WDR47: variants seen among roughly 807,000 people sequenced by gnomAD.
WDR47 encodes the protein WD repeat-containing protein 47.
Under a neutral mutation model 97.2 loss-of-function variants are expected in WDR47, and 32 were observed. That is an observed-to-expected ratio of 0.33 (90% CI 0.25 to 0.44). WDR47 has a LOEUF of 0.44. Among genes scored for constraint, WDR47 ranks in the 20% least tolerant of loss-of-function variants. WDR47 has a pLI of 1.00. For missense variants in WDR47, 782 were observed against 1,102.3 expected, an observed-to-expected ratio of 0.71 and a Z score of 4.11; for synonymous variants, 375 against 373.5, an observed-to-expected ratio of 1.00 and a Z score of -0.05.
chr1:109,004,412 G>A (rs905008500), intron 6 of WDR47, among the ~76,000 whole-genome samples, 180 bp downstream of exon 6: 1 of 152,074 alleles, frequency 6.6e-6, no homozygotes, highest in African/African-American at 2.4e-5. Flanking sequence ...ATACCCAATG[G>A]CAACTAAATA....
chr1:108,986,094 C>T (rs972929117), intron 10 of WDR47, among the ~76,000 whole-genome samples: 15 of 151,604 alleles, frequency 9.9e-5, no homozygotes, highest in African/African-American at 3.4e-4. Flanking sequence ...AAATTACATA[C>T]ATAATTTATA....
chr1:109,004,900 C>G (rs1043947150), intron 5 of WDR47, among the ~76,000 whole-genome samples, 185 bp from the exon 6 acceptor site: 15 of 152,250 alleles, frequency 9.9e-5, no homozygotes, highest in African/African-American at 3.1e-4. Context: ...AAGCAATTCT[C>G]CTGCCTCAGC....
At chr1:109,001,073 A>C (rs112903856) in intron 7 of WDR47, among the ~76,000 whole-genome samples, 5,663 of 152,158 alleles carry the variant, frequency 0.037, 363 homozygotes, top group African/African-American at 0.13. Context: ...GGATCACTTG[A>C]GCCCAGGAGT....
At chr1:108,977,671 G>A (rs2101795679) in intron 13 of WDR47, among the ~76,000 whole-genome samples, 1 of 152,272 alleles carries the variant, frequency 6.6e-6, no homozygotes, top group East Asian at 1.9e-4. Flanking sequence ...GGCTAATAAG[G>A]TGAAACCTCG....
intron 2 of WDR47, among the ~76,000 whole-genome samples, chr1:109,019,794 T>G (rs1366235100): frequency 6.6e-6 from 1 of 152,218 alleles, no homozygotes; most frequent in East Asian, 1.9e-4. Context: ...TTAAATGGTC[T>G]ATGGGAATAT....
intron 6 of WDR47, 144 bp from the exon 7 acceptor site, chr1:109,002,546 A>G (rs1660297159): frequency 9.8e-6 from 7 of 715,020 alleles, no homozygotes; most frequent in Non-Finnish European, 1.5e-5. Flanking sequence ...GCTCTTTGAA[A>G]AACAGTATGT....
chr1:108,977,145 G>A lies in WDR47; in HGVS notation c.2399-2391C>T, dbSNP rs112724590. ...GTGGTAGCAATAAACAGGAAAATAG[G>A]TAACTGGGTTTTTTTCTTTTTTTTG... On this transcript the variant is annotated intron_variant, in intron 13 of 14. Coordinates refer to ENST00000369962, the MANE Select transcript of WDR47 (RefSeq NM_001142551.2). Among the ~76,000 whole-genome samples, 917 of 152,064 alleles carry A rather than the reference G, an allele frequency of 6.0e-3. 5 individuals carry two copies. Among genetic ancestry groups the A allele is most frequent in the Non-Finnish European group, 8.7e-3 (594 of 67,968 alleles).
chr1:109,017,532 T>A lies in WDR47; in HGVS notation c.228A>T (p.Lys76Asn). 6.2e-7 allele frequency: 1 copy of A among 1,612,560 alleles called. No individual in the cohort carries two copies. Among genetic ancestry groups the A allele is most frequent in the Non-Finnish European group, 8.5e-7 (1 of 1,179,522 alleles). ...QFIQPLECME[K>N]FDKKRFRYII... ...TAAAATCTTACCTTTTTTTGTCAAA[T>A]TTTTCCATACATTCTAGAGGCTGAA... The change falls in exon 3 of 15, where the codon AAA (lysine) becomes AAT (asparagine). Residue 76 changes from lysine to asparagine, a missense_variant. By Grantham distance (94) the Lys-to-Asn change is moderately conservative. This residue lies in a region of WDR47 where 428 missense variants were observed against 584.3 expected (regional missense o/e 0.73). Coordinates refer to ENST00000369962, the MANE Select transcript of WDR47 (RefSeq NM_001142551.2).
intron 1 of WDR47, among the ~76,000 whole-genome samples, chr1:109,025,366 G>A (rs1662135124): frequency 2.0e-5 from 3 of 150,128 alleles, no homozygotes; most frequent in African/African-American, 7.4e-5. Context: ...CAGAAGTTGA[G>A]GCTACAGTGA....
chr1:109,018,029 G>A (rs772348344), intron 2 of WDR47, among the ~76,000 whole-genome samples: 2 of 151,840 alleles, frequency 1.3e-5, no homozygotes, highest in East Asian at 1.9e-4. Flanking sequence ...GATTACAAGC[G>A]TGAGTCACCT....
At chr1:108,988,013 A>T (rs984888760) in intron 9 of WDR47, among the ~76,000 whole-genome samples, 1 of 151,388 alleles carries the variant, frequency 6.6e-6, no homozygotes, top group African/African-American at 2.4e-5. Flanking sequence ...AGTTGGGCAT[A>T]TTGCTTGAGC....
chr1:109,034,499 A>G (rs1299534907), intron 1 of WDR47, among the ~76,000 whole-genome samples: 1 of 152,220 alleles, frequency 6.6e-6, no homozygotes, highest in Non-Finnish European at 1.5e-5. Flanking sequence ...CCCAGGACAC[A>G]GACCAATACT....
chr1:109,014,152 T>C (rs975785667), intron 3 of WDR47, among the ~76,000 whole-genome samples: 1 of 152,202 alleles, frequency 6.6e-6, no homozygotes, highest in African/African-American at 2.4e-5. Flanking sequence ...CCAATTTTTA[T>C]GGAAGATATC....
chr1:109,010,905 C>A lies in WDR47; in HGVS notation c.1130+11G>T. 1 of 1,596,810 alleles carries A rather than the reference C, an allele frequency of 6.3e-7. No homozygotes were observed. Among genetic ancestry groups the A allele is most frequent in the South Asian group, 1.1e-5 (1 of 88,636 alleles). ...CCTAAGATTTCCTAATTTTTATAAC[C>A]AAATGCTTACCGCTCAGGGGATTCT... On this transcript the variant is annotated intron_variant, in intron 5 of 14. Transcript: ENST00000369962.
intron 1 of WDR47, chr1:109,030,155 C>T: frequency 1.5e-6 from 2 of 1,335,896 alleles, no homozygotes; most frequent in Non-Finnish European, 2.1e-6. Flanking sequence ...GCCCCAATTC[C>T]TACTTCATGG....
chr1:109,023,858 G>C (rs1205742529), intron 1 of WDR47, among the ~76,000 whole-genome samples: 2 of 152,140 alleles, frequency 1.3e-5, no homozygotes, highest in Non-Finnish European at 2.9e-5. Flanking sequence ...AGGGTAATAG[G>C]TAAATGAGGG....
intron 1 of WDR47, among the ~76,000 whole-genome samples, chr1:109,025,511 G>A (rs1026705402): frequency 6.6e-6 from 1 of 151,206 alleles, no homozygotes; most frequent in Non-Finnish European, 1.5e-5. Flanking sequence ...TGAGACGGGT[G>A]GATTATGAGA....
intron 6 of WDR47, among the ~76,000 whole-genome samples, chr1:109,003,650 T>C (rs1391972915): frequency 6.6e-6 from 1 of 152,056 alleles, no homozygotes; most frequent in Non-Finnish European, 1.5e-5. Flanking sequence ...TACAGGTAGC[T>C]GTGACACCAC....
rs547238581 is a variant in WDR47 at position 108,993,487 on chromosome 1, G to A, written c.1691+2093C>T. Among the ~76,000 whole-genome samples, 4 of 151,910 alleles carry A rather than the reference G, an allele frequency of 2.6e-5. No homozygotes were observed. The East Asian group carries it at 7.7e-4, about 29-fold the overall frequency. On this transcript the variant is annotated intron_variant, in intron 8 of 14. Coordinates refer to ENST00000369962, the MANE Select transcript of WDR47 (RefSeq NM_001142551.2). ...ACTAACAAAAAAGGTGAAAAATAAA[G>A]CAAACACATTTTTAGACATGCAAGG...
Sources: gnomAD v4.1 joint callset for allele counts (sites outside exome capture counted in the v4.1 genomes callset) on GRCh38, gnomAD v4.1.1 for gene constraint, gnomAD v4.1.1 regional missense constraint, MANE v1.5 for transcripts, NCBI Gene and HGNC (gene_info 2026-07-23, HGNC 2026-07-21) for gene names.